The following CCDC7 variants were observed in gnomAD, a reference collection of about 807,000 sequenced individuals.
The protein encoded by CCDC7 is coiled-coil domain-containing protein 7.
Under a neutral mutation model 196.9 loss-of-function variants are expected in CCDC7, and 183 were observed. That is an observed-to-expected ratio of 0.93 (90% CI 0.82 to 1.05). CCDC7 has a LOEUF of 1.05. CCDC7 is among the 50% of genes least tolerant of loss of function. The pLI is 0.00. For missense variants in CCDC7, 1,540 were observed against 1,482.2 expected (o/e 1.04, Z -0.64); for synonymous variants, 525 against 484.6 (o/e 1.08, Z -1.10).
chr10:32,668,487 T>C (rs143852405), intron 21 of CCDC7, among the ~76,000 whole-genome samples: 21,069 of 151,976 alleles, frequency 0.14, 1,777 homozygotes, highest in East Asian at 0.25. Context: ...GCCCATTCAG[T>C]ATGATATTGG....
chr10:32,630,132 T>C (rs2064643740), intron 18 of CCDC7, among the ~76,000 whole-genome samples: 1 of 152,074 alleles, frequency 6.6e-6, no homozygotes, highest in Non-Finnish European at 1.5e-5. Flanking sequence ...CTCAGGGGTA[T>C]TAGTGCTGGG....
intron 21 of CCDC7, among the ~76,000 whole-genome samples, chr10:32,673,738 ACCAG>A (rs1177949672): frequency 6.6e-6 from 1 of 150,904 alleles, no homozygotes; most frequent in Non-Finnish European, 1.5e-5. Context: ...GTGAGACTGA[ACCAG>A]TAACCAGAAT....
chr10:32,500,925 A>C (rs959586669), intron 9 of CCDC7, among the ~76,000 whole-genome samples: 5 of 152,178 alleles, frequency 3.3e-5, no homozygotes, highest in Non-Finnish European at 7.3e-5. Flanking sequence ...GCGTGCCTGC[A>C]ATCCCAGGCA....
chr10:32,687,235 T>C (rs1467201281), intron 22 of CCDC7, among the ~76,000 whole-genome samples: 1 of 152,196 alleles, frequency 6.6e-6, no homozygotes, highest in Admixed American at 6.5e-5. Flanking sequence ...CATCTTTGGA[T>C]TCATGATCAT....
intron 11 of CCDC7, among the ~76,000 whole-genome samples, chr10:32,525,978 G>T (rs991737417): frequency 1.3e-5 from 2 of 152,210 alleles, no homozygotes; most frequent in Non-Finnish European, 2.9e-5. Flanking sequence ...GCACAGGACT[G>T]GGCCTTTCCC....
intron 20 of CCDC7, among the ~76,000 whole-genome samples, chr10:32,637,531 G>C (rs11009008): frequency 0.14 from 21,013 of 152,158 alleles, 1,755 homozygotes; most frequent in East Asian, 0.25. Context: ...TCAAAGATCA[G>C]ATAGTTGTAG....
chr10:32,526,384 A>G (rs2048681381), intron 11 of CCDC7, among the ~76,000 whole-genome samples: 1 of 152,278 alleles, frequency 6.6e-6, no homozygotes, highest in South Asian at 2.1e-4. Context: ...AGGGACCCCA[A>G]GAGCCTGCTC....
intron 21 of CCDC7, among the ~76,000 whole-genome samples, chr10:32,674,371 A>G (rs1179875292): frequency 1.3e-5 from 2 of 151,432 alleles, no homozygotes; most frequent in Non-Finnish European, 3.0e-5. Flanking sequence ...TTGTTGTTTA[A>G]TTTTCATGTA....
At chr10:32,528,697 C>CAT (rs765494518) in intron 11 of CCDC7, among the ~76,000 whole-genome samples, 3 of 146,482 alleles carry the variant, frequency 2.0e-5, no homozygotes, top group Non-Finnish European at 4.5e-5. Context: ...TATACACACA[C>CAT]ATATATATGT....
At chr10:32,702,576 G>T (rs1206110573) in intron 24 of CCDC7, among the ~76,000 whole-genome samples, 1 of 152,146 alleles carries the variant, frequency 6.6e-6, no homozygotes, top group Non-Finnish European at 1.5e-5. Flanking sequence ...GGATATCCTT[G>T]TTGACTCTCT....
chr10:32,745,083 C>T lies in CCDC7; in HGVS notation c.2905+15626C>T, dbSNP rs565267950. On this transcript the variant is annotated intron_variant, in intron 28 of 41. Transcript: ENST00000639629. ...TCATTTGTTGAAAAGATATTCCTTT[C>T]GTCATCAAATTGCCTTTGCTCCTTC... Among the ~76,000 whole-genome samples the T allele has an allele frequency of 3.9e-5, 6 of 152,296 alleles. No individual in the cohort carries two copies. The East Asian group carries it at 5.8e-4, about 15-fold the overall frequency.
At chr10:32,691,681 C>T (rs1396102739) in intron 23 of CCDC7, among the ~76,000 whole-genome samples, 2 of 152,146 alleles carry the variant, frequency 1.3e-5, no homozygotes, top group East Asian at 3.9e-4. Flanking sequence ...GGCTCAAGGG[C>T]CATTACAGCC....
Position 32,854,378 on chromosome 10 carries a change from AAC to A in CCDC7, c.4022-19_4022-18del. On this transcript the variant is annotated intron_variant, in intron 40 of 41. Coordinates refer to ENST00000639629, the Ensembl canonical transcript of CCDC7. ...TACTTAATTTACCACATAATTTAAT[AAC>A]ACTGTTCTCATTTTTTTAGGGCATT... is the stretch of plus-strand genomic sequence containing the variant. 1 of 1,345,480 alleles carries A rather than the reference AAC, an allele frequency of 7.4e-7. No homozygotes were observed. Among genetic ancestry groups the A allele is most frequent in the Non-Finnish European group, 1.0e-6 (1 of 953,810 alleles). 83.3% of individuals were successfully genotyped at this position (1,345,480 alleles called of 1,614,324 possible). A position where few individuals can be genotyped will look rare whatever the true frequency, so the allele number is the denominator to read the frequency against.
chr10:32,640,605 T>A (rs1485354914), intron 20 of CCDC7, among the ~76,000 whole-genome samples: 1 of 152,172 alleles, frequency 6.6e-6, no homozygotes. Context: ...TCCTAGCCTC[T>A]ATGGTCTTTA....
intron 8 of CCDC7, 76 bp downstream of exon 9, chr10:32,474,099 A>C (rs1179114808): frequency 1.4e-6 from 2 of 1,445,812 alleles, no homozygotes; most frequent in African/African-American, 2.9e-5. Context: ...AATAATTATT[A>C]GGTTAACAGT....
intron 9 of CCDC7, among the ~76,000 whole-genome samples, chr10:32,494,177 G>A (rs10827069): frequency 0.4 from 61,113 of 151,874 alleles, 12,546 homozygotes; most frequent in East Asian, 0.58. Flanking sequence ...CAGGTTTTAC[G>A]TTTAAGTTTT....
At chr10:32,732,476 G>C (rs1272596241) in intron 28 of CCDC7, among the ~76,000 whole-genome samples, 1 of 152,064 alleles carries the variant, frequency 6.6e-6, no homozygotes, top group Admixed American at 6.5e-5. Flanking sequence ...CTTCACTGAG[G>C]TTCTGTTTAT....
At chr10:32,608,845 T>G (rs73257407) in intron 18 of CCDC7, among the ~76,000 whole-genome samples, 8,074 of 152,282 alleles carry the variant, frequency 0.053, 712 homozygotes, top group African/African-American at 0.18. Flanking sequence ...CTGTCATGCC[T>G]TGATTCCCAT....
At chr10:32,704,503 C>G (rs1367231746) in intron 24 of CCDC7, among the ~76,000 whole-genome samples, 1 of 152,144 alleles carries the variant, frequency 6.6e-6, no homozygotes, top group Non-Finnish European at 1.5e-5. Context: ...ATCTCAAACT[C>G]CATGCTGGGA....
Sources: allele counts gnomAD v4.1 joint callset (sites outside exome capture counted in the v4.1 genomes callset), GRCh38; gene constraint gnomAD v4.1.1; transcripts MANE v1.5; gene names NCBI Gene and HGNC (gene_info 2026-07-23, HGNC 2026-07-21).